TDRP: variants seen among roughly 807,000 people sequenced by gnomAD.
TDRP encodes testis development related protein.
A neutral mutation model predicts 10.5 loss-of-function variants in TDRP; 12 were observed. The ratio of observed to expected loss-of-function variants is 1.15; its 90% CI spans 0.73 to 1.86. The LOEUF is 1.86. Among genes scored for constraint, TDRP ranks in the 40% most tolerant of loss-of-function variants. The pLI, the probability that TDRP is intolerant of heterozygous loss-of-function variation, is 0.00. For missense variants in TDRP, 353 were observed against 229.2 expected (o/e 1.54, Z -3.49); for synonymous variants, 139 against 95.4 (o/e 1.46, Z -2.67).
At chr8:499,993 C>T (rs1387029028) in intron 1 of TDRP, among the ~76,000 whole-genome samples, 2 of 152,182 alleles carry the variant, frequency 1.3e-5, no homozygotes, top group Non-Finnish European at 2.9e-5. Flanking sequence ...AAAACCTAAA[C>T]ACCTCTTGAG....
intron 1 of TDRP, among the ~76,000 whole-genome samples, chr8:523,378 C>A (rs1487223723): frequency 6.6e-6 from 1 of 152,140 alleles, no homozygotes; most frequent in African/African-American, 2.4e-5. Flanking sequence ...CACCAATCAT[C>A]CTCCCTGAAG....
Position 492,145 on chromosome 8 carries a change from C to G in TDRP, c.*254G>C, listed in dbSNP as rs1800994815. 1 of 1,248,294 alleles carries G rather than the reference C, an allele frequency of 8.0e-7. No individual in the cohort carries two copies. The allele number at this position is 1,248,294 out of a possible 1,614,324, so 77.3% of individuals were successfully genotyped here. A position where few individuals can be genotyped will look rare whatever the true frequency, so the allele number is the denominator to read the frequency against. ...GGGAGAGCATCATAAATTCACATCTCCAGTTTCTGCAAAACATGGACTGAT... is the reference window on the plus strand; with the variant it reads ...GGGAGAGCATCATAAATTCACATCTGCAGTTTCTGCAAAACATGGACTGAT... On this transcript the variant is annotated 3_prime_UTR_variant, in exon 3 of 3. Coordinates refer to ENST00000324079, the MANE Select transcript of TDRP (RefSeq NM_001384899.1).
In TDRP at chr8:490,176, TC is replaced by T. The variant is rs1019817238; in HGVS notation, c.*2222del. The T allele has an allele frequency of 8.5e-5, 13 of 152,210 alleles. No homozygotes were observed. The highest frequency in any genetic ancestry group is 3.1e-4 in the African/African-American group (13 of 41,454). The allele number at this position is 152,210 out of a possible 1,614,324, so 9.4% of individuals were successfully genotyped here. ...AATAAATTTGCTTTGATAACTTCTTTCAAGAAAAGATAATTTTTCTCCCAAA... is the reference window on the plus strand; with the variant it reads ...AATAAATTTGCTTTGATAACTTCTTTAAGAAAAGATAATTTTTCTCCCAAA... On this transcript the variant is annotated 3_prime_UTR_variant, in exon 3 of 3. Coordinates refer to ENST00000324079, the MANE Select transcript of TDRP (RefSeq NM_001384899.1).
chr8:544,592 C>T, intron 1 of TDRP, 58 bp downstream of exon 1: 1 of 1,136,000 alleles, frequency 8.8e-7, no homozygotes, highest in Non-Finnish European at 1.1e-6. Context: ...CGCCCACCCT[C>T]GCCCTCCACC....
At chr8:521,555 G>C (rs1584872975) in intron 1 of TDRP, among the ~76,000 whole-genome samples, 1 of 152,312 alleles carries the variant, frequency 6.6e-6, no homozygotes, top group South Asian at 2.1e-4. Context: ...ATATACATGA[G>C]GGCTTATTTC....
intron 1 of TDRP, among the ~76,000 whole-genome samples, chr8:508,576 C>A (rs766690934): frequency 1.3e-5 from 2 of 152,064 alleles, no homozygotes; most frequent in Admixed American, 1.3e-4. Flanking sequence ...GAATAGCATG[C>A]GGGAAACCAC....
At chr8:494,838 G>A (rs1563115337) in intron 1 of TDRP, 1 of 380,162 alleles carries the variant, frequency 2.6e-6, no homozygotes, top group African/African-American at 2.0e-5. Flanking sequence ...TCTAAATTTA[G>A]TATTAGACAA....
chr8:492,336 A>G lies in TDRP; in HGVS notation c.*63T>C, dbSNP rs1801001067. 8.6e-6 allele frequency: 12 copies of G among 1,401,124 alleles called. No individual in the cohort carries two copies. The South Asian group carries it at 1.5e-4, about 17-fold the overall frequency. 86.8% of individuals were successfully genotyped at this position (1,401,124 alleles called of 1,614,324 possible). ...TTCTTTCTAACGCGGAAAAGACTCA[A>G]CAACTACATGGTATACTCATAAAAG... is the stretch of plus-strand genomic sequence containing the variant. On this transcript the variant is annotated 3_prime_UTR_variant, in exon 3 of 3. Transcript: ENST00000324079.
rs182084045 is a variant in TDRP, at chr8:542,968, G to A, written c.108+1682C>T. ...GAATCTAGCTGGAGGATACGAGGAAGAATCTCCTATTCTTCTACTTTTCCG... is the reference window on the plus strand; with the variant it reads ...GAATCTAGCTGGAGGATACGAGGAAAAATCTCCTATTCTTCTACTTTTCCG... On this transcript the variant is annotated intron_variant, in intron 1 of 2. Transcript: ENST00000324079. Among the ~76,000 whole-genome samples, 874 of 151,222 alleles carry A rather than the reference G, an allele frequency of 5.8e-3. 9 individuals carry two copies. The highest frequency in any genetic ancestry group is 9.6e-3 in the Non-Finnish European group (651 of 67,844).
At chr8:534,870 A>C (rs1030451559) in intron 1 of TDRP, among the ~76,000 whole-genome samples, 1 of 152,162 alleles carries the variant, frequency 6.6e-6, no homozygotes, top group African/African-American at 2.4e-5. Context: ...CAATAGCTGT[A>C]AAGCACTCAC....
rs1316363327 is a variant in TDRP at position 492,356 on chromosome 8, T to C, written c.*43A>G. 2 of 1,452,818 alleles carry C rather than the reference T, an allele frequency of 1.4e-6. No individual in the cohort carries two copies. Among genetic ancestry groups the C allele is most frequent in the African/African-American group, 2.9e-5 (2 of 70,094 alleles). 90.0% of individuals were successfully genotyped at this position (1,452,818 alleles called of 1,614,324 possible). On this transcript the variant is annotated 3_prime_UTR_variant, in exon 3 of 3. Transcript: ENST00000324079. ...ACTCAACAACTACATGGTATACTCA[T>C]AAAAGGCCACCATGTCGGGGCACAC... is the stretch of plus-strand genomic sequence containing the variant.
In TDRP at chr8:509,583, A is replaced by G. The variant is rs576000469; in HGVS notation, c.109-14986T>C. The stretch of plus-strand genomic sequence containing the variant: ...GAGACAGGGCACCAAGAACCAGGCT[A>G]CACATAGCAAGGGAGCCCTGGATCT... On this transcript the variant is annotated intron_variant, in intron 1 of 2. Transcript: ENST00000324079. Among the ~76,000 whole-genome samples, 9 of 152,218 alleles carry G rather than the reference A, an allele frequency of 5.9e-5. No homozygotes were observed. In the South Asian group the frequency reaches 1.9e-3, roughly 32 times the overall value.
chr8:528,622 TAA>T (rs1802099782), intron 1 of TDRP, among the ~76,000 whole-genome samples: 1 of 151,748 alleles, frequency 6.6e-6, no homozygotes, highest in East Asian at 1.9e-4. Flanking sequence ...TTTTAAAAAA[TAA>T]GAGTATAATT....
chr8:517,444 A>G (rs1801787313), intron 1 of TDRP, among the ~76,000 whole-genome samples: 1 of 152,118 alleles, frequency 6.6e-6, no homozygotes, highest in Non-Finnish European at 1.5e-5. Context: ...TTCTCTCTGA[A>G]GCCTCTACCT....
At chr8:510,671 A>G (rs1279637255) in intron 1 of TDRP, among the ~76,000 whole-genome samples, 2 of 152,190 alleles carry the variant, frequency 1.3e-5, no homozygotes, top group Non-Finnish European at 2.9e-5. Flanking sequence ...TAAAATACAG[A>G]CTTTCCTAGA....
Position 492,665 on chromosome 8 carries a change from T to C in TDRP, c.292A>G (p.Ile98Val), listed in dbSNP as rs763605817. The C allele has an allele frequency of 4.3e-6, 7 of 1,613,930 alleles. No homozygotes were observed. The highest frequency in any genetic ancestry group is 5.9e-6 in the Non-Finnish European group (7 of 1,179,912). Residue 98 changes from isoleucine (I) to valine (V), a missense_variant, in exon 3 of 3, where the codon ATA becomes GTA. Transcript: ENST00000324079. ...FWDNLVLKQN[I>V]QSKKPDEIEG... is the part of the protein sequence containing the mutation. ...ATTTCATCTGGTTTTTTAGACTGTA[T>C]ATTCTGTTTTAAAACCAAATTGTCC...
At chr8:531,206 T>C (rs1291845588) in intron 1 of TDRP, among the ~76,000 whole-genome samples, 3 of 152,336 alleles carry the variant, frequency 2.0e-5, no homozygotes, top group East Asian at 3.9e-4. Flanking sequence ...GCAGCTGTTC[T>C]TGGCTTTGAG....
At position 491,874 on chromosome 8, in the gene TDRP, T is replaced by C. The variant is rs146601365; in HGVS notation, c.*525A>G. ...AATATAAGCTTTGCTTTTCCAGTAT[T>C]TGTTTACGTATTTGTTTAATAAGAA... On this transcript the variant is annotated 3_prime_UTR_variant, in exon 3 of 3. Transcript: ENST00000324079. 2.4e-4 allele frequency: 294 copies of C among 1,200,952 alleles called. 4 individuals are homozygous for C. In the East Asian group the frequency reaches 9.9e-3, roughly 40 times the overall value. 74.4% of individuals were successfully genotyped at this position (1,200,952 alleles called of 1,614,324 possible).
At chr8:519,664 G>C (rs557885736) in intron 1 of TDRP, among the ~76,000 whole-genome samples, 1 of 152,190 alleles carries the variant, frequency 6.6e-6, no homozygotes, top group African/African-American at 2.4e-5. Context: ...CTCACTGCTT[G>C]TAAAAAGAAC....
Sources: gnomAD v4.1 joint callset for allele counts (sites outside exome capture counted in the v4.1 genomes callset) on GRCh38, gnomAD v4.1.1 for gene constraint, MANE v1.5 for transcripts, NCBI Gene and HGNC (gene_info 2026-07-23, HGNC 2026-07-21) for gene names.